WDR7: variants seen among roughly 807,000 people sequenced by gnomAD.
WDR7 encodes WD repeat domain 7.
In WDR7, 46 loss-of-function variants were observed where a neutral mutation model predicts 169.4. The ratio of observed to expected loss-of-function variants is 0.27; its 90% CI spans 0.21 to 0.35. The LOEUF is 0.35. Among genes scored for constraint, WDR7 ranks in the 10% least tolerant of loss-of-function variants. The pLI, the probability that WDR7 is intolerant of heterozygous loss-of-function variation, is 1.00. For missense variants in WDR7, 1,534 were observed against 1,859.3 expected (o/e 0.83, Z 3.22); for synonymous variants, 612 against 666.8 (o/e 0.92, Z 1.27).
chr18:56,951,074 A>G (rs1170071929), intron 25 of WDR7, among the ~76,000 whole-genome samples: 1 of 152,116 alleles, frequency 6.6e-6, no homozygotes, highest in Non-Finnish European at 1.5e-5. Flanking sequence ...CCTCCTCCAG[A>G]TATTGACGAA....
chr18:56,702,666 T>G (rs1040543158), intron 12 of WDR7, among the ~76,000 whole-genome samples: 2 of 152,224 alleles, frequency 1.3e-5, no homozygotes, highest in Non-Finnish European at 2.9e-5. Context: ...ACCATTTATT[T>G]ACATTTTAAA....
intron 21 of WDR7, among the ~76,000 whole-genome samples, chr18:56,913,080 C>T (rs1193760606): frequency 6.6e-6 from 1 of 151,874 alleles, no homozygotes; most frequent in Non-Finnish European, 1.5e-5. Context: ...CACTTTGTTG[C>T]CCAGGCTGGT....
chr18:56,857,506 C>G (rs1050875191), intron 20 of WDR7, among the ~76,000 whole-genome samples: 1 of 152,154 alleles, frequency 6.6e-6, no homozygotes, highest in African/African-American at 2.4e-5. Context: ...ATCTGCCTAC[C>G]TCGGCCTCCC....
chr18:56,653,485 G>A (rs979514932), intron 1 of WDR7, among the ~76,000 whole-genome samples: 3 of 152,182 alleles, frequency 2.0e-5, no homozygotes, highest in African/African-American at 7.2e-5. Context: ...GGGATTACAG[G>A]TGTGAGCCAC....
chr18:56,697,835 T>C, intron 12 of WDR7, among the ~76,000 whole-genome samples: 1 of 152,300 alleles, frequency 6.6e-6, no homozygotes, highest in South Asian at 2.1e-4. Context: ...GAATAAAATA[T>C]TTAAAATAAT....
chr18:56,853,697 G>A (rs1394354530), intron 20 of WDR7, among the ~76,000 whole-genome samples: 1 of 151,942 alleles, frequency 6.6e-6, no homozygotes, highest in African/African-American at 2.4e-5. Flanking sequence ...TGTGAATGTT[G>A]TTCACCTGTT....
chr18:56,714,120 A>G (rs1176542463), intron 12 of WDR7, among the ~76,000 whole-genome samples: 1 of 152,236 alleles, frequency 6.6e-6, no homozygotes, highest in African/African-American at 2.4e-5. Context: ...AGTGAAATCA[A>G]AATTAATGAG....
intron 19 of WDR7, among the ~76,000 whole-genome samples, chr18:56,792,330 A>G (rs890122398): frequency 1.3e-5 from 2 of 152,146 alleles, no homozygotes; most frequent in African/African-American, 2.4e-5. Context: ...GATTTTTCTA[A>G]TGATATATAA....
chr18:56,843,835 C>G (rs1031320747), intron 20 of WDR7, among the ~76,000 whole-genome samples: 1 of 150,936 alleles, frequency 6.6e-6, no homozygotes, highest in Non-Finnish European at 1.5e-5. Context: ...CTCATCAACA[C>G]TCGATATTTT....
chr18:56,688,812 A>T (rs1314342290), intron 7 of WDR7, among the ~76,000 whole-genome samples: 1 of 152,018 alleles, frequency 6.6e-6, no homozygotes, highest in Non-Finnish European at 1.5e-5. Context: ...TCCAGATAAG[A>T]GTATCTAGTA....
chr18:56,694,080 C>T (rs535931010), intron 9 of WDR7, among the ~76,000 whole-genome samples: 2 of 151,652 alleles, frequency 1.3e-5, no homozygotes, highest in East Asian at 3.9e-4. Flanking sequence ...GCTTAGTTGT[C>T]CAGGGCCGGT....
chr18:56,930,214 C>A lies in WDR7; in HGVS notation c.3714-5574C>A, dbSNP rs558360490. 3.4e-4 allele frequency among the ~76,000 whole-genome samples: 52 copies of A among 152,306 alleles called. 1 individual carries two copies. The highest frequency in any genetic ancestry group is 1.2e-3 in the African/African-American group (51 of 41,564). ...GGAAACCACACATGCTTTGATGACA[C>A]ACAGATAAGCACCATACATTAGAAA... On this transcript the variant is annotated intron_variant, in intron 22 of 27. Transcript: ENST00000254442.
chr18:56,871,985 G>A (rs539143783), intron 20 of WDR7, among the ~76,000 whole-genome samples: 39 of 151,988 alleles, frequency 2.6e-4, no homozygotes, highest in African/African-American at 8.9e-4. Context: ...GTTTTTTCAG[G>A]TCAAAGCACA....
At chr18:56,756,069 T>G (rs1354643465) in intron 14 of WDR7, among the ~76,000 whole-genome samples, 2 of 152,168 alleles carry the variant, frequency 1.3e-5, no homozygotes, top group Non-Finnish European at 1.5e-5. Flanking sequence ...AAAGATAGCA[T>G]TTTTTAAAGG....
At chr18:57,026,888 T>A in intron 27 of WDR7, 116 bp from the exon 28 acceptor site, 1 of 1,064,180 alleles carries the variant, frequency 9.4e-7, no homozygotes, top group Non-Finnish European at 1.4e-6. Context: ...CAAGCTTAGG[T>A]GAAGGAGAAT....
intron 12 of WDR7, among the ~76,000 whole-genome samples, chr18:56,704,037 T>G (rs982339198): frequency 2.0e-5 from 3 of 152,196 alleles, no homozygotes; most frequent in Non-Finnish European, 4.4e-5. Context: ...TCATCCTGTT[T>G]ATAATCTTTT....
At chr18:56,754,902 T>G (rs975465500) in intron 14 of WDR7, among the ~76,000 whole-genome samples, 1 of 152,182 alleles carries the variant, frequency 6.6e-6, no homozygotes, top group Admixed American at 6.5e-5. Flanking sequence ...CTATTCAAAT[T>G]CACAGCTGCA....
At chr18:56,691,083 C>A in intron 7 of WDR7, 133 bp from the exon 8 acceptor site, 2 of 1,295,614 alleles carry the variant, frequency 1.5e-6, no homozygotes, top group Non-Finnish European at 2.1e-6. Context: ...TATTGACAAA[C>A]TTTCTTTATC....
intron 2 of WDR7, 148 bp downstream of exon 2, chr18:56,672,822 A>G (rs1400508885): frequency 1.3e-6 from 1 of 740,936 alleles, no homozygotes; most frequent in Non-Finnish European, 1.9e-6. Flanking sequence ...CAGATTCATT[A>G]TTTACACTAT....
Sources: gnomAD v4.1 joint callset for allele counts (sites outside exome capture counted in the v4.1 genomes callset) on GRCh38, gnomAD v4.1.1 for gene constraint, MANE v1.5 for transcripts, NCBI Gene and HGNC (gene_info 2026-07-23, HGNC 2026-07-21) for gene names.